The following PCDH15 variants were observed in gnomAD, a reference collection of about 807,000 sequenced individuals.
The protein encoded by PCDH15 is protocadherin related 15, also known as protocadherin-15.
In PCDH15, 129 loss-of-function variants were observed where a neutral mutation model predicts 178.5. That is an observed-to-expected ratio of 0.72 (90% CI 0.63 to 0.84). PCDH15 has a LOEUF of 0.84. Among genes scored for constraint, PCDH15 ranks in the 40% least tolerant of loss-of-function variants. The pLI is 0.00. For missense variants in PCDH15, 2,230 were observed against 2,099.9 expected (o/e 1.06, Z -1.21); for synonymous variants, 800 against 732.0 (o/e 1.09, Z -1.50).
At chr10:54,118,476 C>T (rs2095155669) in intron 15 of PCDH15, among the ~76,000 whole-genome samples, 1 of 151,950 alleles carries the variant, frequency 6.6e-6, no homozygotes, top group Non-Finnish European at 1.5e-5. Context: ...CTGGCTAACA[C>T]AGTGAAACCC....
chr10:54,333,100 A>G (rs1421237324), intron 6 of PCDH15, among the ~76,000 whole-genome samples: 1 of 151,962 alleles, frequency 6.6e-6, no homozygotes, highest in Non-Finnish European at 1.5e-5. Flanking sequence ...GTGCCACCAC[A>G]TCTGGCTAAT....
intron 1 of PCDH15, among the ~76,000 whole-genome samples, chr10:55,226,393 C>T (rs1045870346): frequency 4.0e-5 from 6 of 150,588 alleles, no homozygotes; most frequent in Non-Finnish European, 8.8e-5. Context: ...TTTTTGAGAC[C>T]GAGCCTCACC....
intron 2 of PCDH15, chr10:54,607,887 C>G (rs770821308): frequency 3.8e-6 from 2 of 527,590 alleles, no homozygotes; most frequent in South Asian, 1.4e-5. Flanking sequence ...TTAGGTTGGT[C>G]CAAAAGTAAT....
chr10:55,241,998 T>C (rs573728962), intron 1 of PCDH15, among the ~76,000 whole-genome samples: 2 of 152,312 alleles, frequency 1.3e-5, no homozygotes, highest in South Asian at 4.1e-4. Context: ...ATGTTCTTCA[T>C]TGGTTTATTG....
chr10:54,537,056 T>C (rs1019791694), intron 2 of PCDH15, among the ~76,000 whole-genome samples: 1 of 139,812 alleles, frequency 7.2e-6, no homozygotes, highest in African/African-American at 2.7e-5. Flanking sequence ...TGGAGTGCAG[T>C]GGTGCGATCT....
chr10:53,928,698 G>GT (rs960410643), intron 25 of PCDH15, among the ~76,000 whole-genome samples: 1 of 151,882 alleles, frequency 6.6e-6, no homozygotes, highest in Admixed American at 6.6e-5. Flanking sequence ...TGAAATAGGA[G>GT]TTTTTCTAAA....
intron 3 of PCDH15, among the ~76,000 whole-genome samples, chr10:54,515,887 G>A (rs1019106512): frequency 5.3e-5 from 8 of 152,138 alleles, no homozygotes; most frequent in Non-Finnish European, 8.8e-5. Context: ...AGGCAAACAG[G>A]GTCTGGAGGG....
chr10:55,325,054 A>C (rs531166826), intron 2 of PCDH15, among the ~76,000 whole-genome samples: 2 of 152,184 alleles, frequency 1.3e-5, no homozygotes, highest in South Asian at 4.1e-4. Flanking sequence ...ACAAAACATT[A>C]CTCAAAAAAA....
chr10:54,987,103 A>G (rs917989777), intron 2 of PCDH15, among the ~76,000 whole-genome samples: 5 of 151,990 alleles, frequency 3.3e-5, no homozygotes, highest in Non-Finnish European at 7.4e-5. Context: ...CTTATGAGTG[A>G]GAACATGTGG....
intron 26 of PCDH15, among the ~76,000 whole-genome samples, chr10:53,889,735 T>C (rs1317064793): frequency 6.6e-6 from 1 of 152,126 alleles, no homozygotes; most frequent in African/African-American, 2.4e-5. Context: ...AAACAACTTA[T>C]ATGGACAGTA....
At chr10:55,376,294 T>A (rs1837392857) in intron 2 of PCDH15, among the ~76,000 whole-genome samples, 1 of 152,114 alleles carries the variant, frequency 6.6e-6, no homozygotes, top group South Asian at 2.1e-4. Flanking sequence ...ATAAGTTAGG[T>A]TATCCCACAG....
intron 3 of PCDH15, among the ~76,000 whole-genome samples, chr10:54,884,325 T>TA (rs11004620): frequency 0.75 from 113,312 of 151,890 alleles, 42,645 homozygotes; most frequent in East Asian, 0.89. Flanking sequence ...AGAGACACAT[T>TA]AAATCAAATA....
At position 54,690,464 on chromosome 10, in the gene PCDH15, G is replaced by A. The variant is rs538660452; in HGVS notation, c.-28-26174C>T. Among the ~76,000 whole-genome samples the A allele has an allele frequency of 1.0e-3, 155 of 151,784 alleles. 1 individual carries two copies. The highest frequency in any genetic ancestry group is 3.6e-3 in the African/African-American group (150 of 41,410). On this transcript the variant is annotated intron_variant, in intron 1 of 37. Coordinates refer to ENST00000644397, the MANE Select transcript of PCDH15 (RefSeq NM_001384140.1). ...CGAGTAGCTGGGACTACAGGAGCAC[G>A]CCACCACTTCCAGCTAATTTTTGTA...
At chr10:54,731,348 A>G (rs1207689803) in intron 1 of PCDH15, among the ~76,000 whole-genome samples, 1 of 150,734 alleles carries the variant, frequency 6.6e-6, no homozygotes, top group Non-Finnish European at 1.5e-5. Context: ...TATGAAAAAA[A>G]GTATGACAGT....
chr10:55,139,845 C>T (rs1235569593), intron 2 of PCDH15, among the ~76,000 whole-genome samples: 2 of 151,858 alleles, frequency 1.3e-5, no homozygotes, highest in Non-Finnish European at 2.9e-5. Context: ...ATGAATTTGT[C>T]AACATACCTA....
At chr10:54,749,972 T>TG (rs1226810636) in intron 1 of PCDH15, among the ~76,000 whole-genome samples, 2 of 152,084 alleles carry the variant, frequency 1.3e-5, no homozygotes, top group Non-Finnish European at 2.9e-5. Flanking sequence ...AGTTTTCTCA[T>TG]ACTTTAAAAG....
At chr10:55,280,699 T>C (rs535902854) in intron 1 of PCDH15, among the ~76,000 whole-genome samples, 1 of 152,238 alleles carries the variant, frequency 6.6e-6, no homozygotes, top group Admixed American at 6.5e-5. Context: ...ATACTTTCTA[T>C]GTAGATAGAG....
At chr10:55,475,939 A>C (rs1319762293) in intron 2 of PCDH15, among the ~76,000 whole-genome samples, 1 of 152,102 alleles carries the variant, frequency 6.6e-6, no homozygotes, top group Non-Finnish European at 1.5e-5. Flanking sequence ...GCAAACTGGC[A>C]ATCAACTGCC....
chr10:54,931,820 T>C (rs948318618), intron 2 of PCDH15, among the ~76,000 whole-genome samples: 7 of 152,298 alleles, frequency 4.6e-5, no homozygotes, highest in African/African-American at 1.7e-4. Context: ...GCATTTCATG[T>C]CTTTTGTTTC....
Sources: gnomAD v4.1 joint callset for allele counts (sites outside exome capture counted in the v4.1 genomes callset) on GRCh38, gnomAD v4.1.1 for gene constraint, MANE v1.5 for transcripts, NCBI Gene and HGNC (gene_info 2026-07-23, HGNC 2026-07-21) for gene names.